Variants in FAM174A observed in about 807,000 individuals in gnomAD.
FAM174A encodes the protein membrane protein FAM174A.
A neutral mutation model predicts 14.3 loss-of-function variants in FAM174A; 14 were observed. That is an observed-to-expected ratio of 0.98 (90% CI 0.65 to 1.53). FAM174A has a LOEUF of 1.53. Ranked by LOEUF, FAM174A falls within the 40% of genes most tolerant of loss-of-function variation. The pLI is 0.00. For synonymous variants in FAM174A, 108 were observed against 111.4 expected (o/e 0.97, Z 0.19); for missense variants, 241 against 249.6 (o/e 0.97, Z 0.23).
At chr5:100,553,682 C>G (rs1225981249) in intron 1 of FAM174A, among the ~76,000 whole-genome samples, 1 of 151,928 alleles carries the variant, frequency 6.6e-6, no homozygotes, top group Non-Finnish European at 1.5e-5. Context: ...GAAATAGGTT[C>G]CTGTTTCTAA....
At chr5:100,540,498 T>G (rs13361748) in intron 1 of FAM174A, among the ~76,000 whole-genome samples, 9,146 of 152,276 alleles carry the variant, frequency 0.06, 338 homozygotes, top group African/African-American at 0.097. Flanking sequence ...CTAGTCAGTG[T>G]ATATCAAATG....
rs370614448 is a variant in FAM174A at position 100,540,840 on chromosome 5, G to A, written c.434+4876G>A. Among the ~76,000 whole-genome samples the A allele has an allele frequency of 1.6e-4, 24 of 152,312 alleles. No homozygotes were observed. In the South Asian group the frequency reaches 4.8e-3, roughly 30 times the overall value. On this transcript the variant is annotated intron_variant, in intron 1 of 2. Coordinates refer to ENST00000312637, the MANE Select transcript of FAM174A (RefSeq NM_198507.3). The stretch of plus-strand genomic sequence containing the variant: ...GGAGATGTACTAGTTTGTTGGGGGC[G>A]TTGAGGCCAGAGCAATGCTTGCTCA...
At chr5:100,539,218 G>A (rs1048599330) in intron 1 of FAM174A, among the ~76,000 whole-genome samples, 1 of 151,984 alleles carries the variant, frequency 6.6e-6, no homozygotes, top group South Asian at 2.1e-4. Context: ...TTATTCAACT[G>A]ACCAGTACTG....
At chr5:100,580,029 C>T (rs10040733) in intron 2 of FAM174A, among the ~76,000 whole-genome samples, 4,040 of 152,212 alleles carry the variant, frequency 0.027, 152 homozygotes, top group African/African-American at 0.088. Flanking sequence ...CAAAAAAATT[C>T]GCTTCAGTGG....
chr5:100,565,248 A>T lies in FAM174A; in HGVS notation c.569+3060A>T, dbSNP rs961433567. Among the ~76,000 whole-genome samples the T allele has an allele frequency of 2.0e-5, 3 of 151,854 alleles. No individual in the cohort carries two copies. The Admixed American group carries it at 2.0e-4, about 10-fold the overall frequency. On this transcript the variant is annotated intron_variant, in intron 2 of 2. Coordinates refer to ENST00000312637, the MANE Select transcript of FAM174A (RefSeq NM_198507.3). Reference sequence around the variant, plus strand: ...ATAGAACACATTAATAGGTTGAAAGAAAAAAAGCCACAAGATCATTTCAGT... The same window carrying T: ...ATAGAACACATTAATAGGTTGAAAGTAAAAAAGCCACAAGATCATTTCAGT...
At chr5:100,553,806 A>T (rs1746310050) in intron 1 of FAM174A, among the ~76,000 whole-genome samples, 1 of 152,166 alleles carries the variant, frequency 6.6e-6, no homozygotes, top group South Asian at 2.1e-4. Context: ...CTATATACAG[A>T]TAGGGAAAAT....
At chr5:100,543,649 G>C (rs1344840785) in intron 1 of FAM174A, among the ~76,000 whole-genome samples, 2 of 151,986 alleles carry the variant, frequency 1.3e-5, no homozygotes, top group Non-Finnish European at 1.5e-5. Context: ...GAGGGGAGTG[G>C]CACAGTCTTA....
chr5:100,562,198 C>A lies in FAM174A; in HGVS notation c.569+10C>A. The stretch of plus-strand genomic sequence containing the variant: ...CCAATCATCCTCGAAGGTAAGTATT[C>A]CAGTAGTTTAATTCCATGAATCAGG... On this transcript the variant is annotated intron_variant, in intron 2 of 2. Transcript: ENST00000312637. 1 of 1,564,556 alleles carries A rather than the reference C, an allele frequency of 6.4e-7. No homozygotes were observed. Among genetic ancestry groups the A allele is most frequent in the East Asian group, 2.5e-5 (1 of 40,348 alleles).
Position 100,535,681 on chromosome 5 carries a change from C to T in FAM174A, c.151C>T (p.Arg51Trp), listed in dbSNP as rs141831319. ...PGLGPPDPRP[R>W]TLPPLPPGPT... ...TCTTGGGCCTCCTGACCCTAGACCA[C>T]GGACATTACCGCCGCTGCCACCGGG... is the stretch of plus-strand genomic sequence containing the variant. Residue 51 changes from arginine (R) to tryptophan (W), a missense_variant, in exon 1 of 3, where the codon CGG becomes TGG. Transcript: ENST00000312637. The T allele has an allele frequency of 1.2e-6, 2 of 1,609,460 alleles. No homozygotes were observed. The highest frequency in any genetic ancestry group is 8.5e-7 in the Non-Finnish European group (1 of 1,178,858).
chr5:100,570,260 G>A (rs1313257820), intron 2 of FAM174A, among the ~76,000 whole-genome samples: 1 of 151,460 alleles, frequency 6.6e-6, no homozygotes, highest in African/African-American at 2.4e-5. Context: ...CATTTTTTTC[G>A]GTAATGAGAT....
chr5:100,556,085 T>G (rs1055442296), intron 1 of FAM174A, among the ~76,000 whole-genome samples: 2 of 152,198 alleles, frequency 1.3e-5, no homozygotes, highest in African/African-American at 4.8e-5. Flanking sequence ...GGTCTAACAT[T>G]TAAGTCCTTA....
At chr5:100,540,938 C>A (rs1253447454) in intron 1 of FAM174A, among the ~76,000 whole-genome samples, 1 of 152,156 alleles carries the variant, frequency 6.6e-6, no homozygotes, top group Non-Finnish European at 1.5e-5. Context: ...ATACTATCCA[C>A]CTTAGACACT....
intron 2 of FAM174A, among the ~76,000 whole-genome samples, chr5:100,573,581 C>A (rs957497988): frequency 4.0e-5 from 6 of 151,588 alleles, no homozygotes; most frequent in Non-Finnish European, 5.9e-5. Context: ...AAAGAGGATA[C>A]AAACAAATGG....
At chr5:100,554,109 C>T (rs1339999833) in intron 1 of FAM174A, among the ~76,000 whole-genome samples, 1 of 151,990 alleles carries the variant, frequency 6.6e-6, no homozygotes, top group African/African-American at 2.4e-5. Context: ...GTTTGGAATC[C>T]ATATGGTTTC....
At chr5:100,574,143 A>G (rs923038094) in intron 2 of FAM174A, among the ~76,000 whole-genome samples, 8 of 152,126 alleles carry the variant, frequency 5.3e-5, no homozygotes, top group African/African-American at 1.9e-4. Flanking sequence ...TCTAAAGGAC[A>G]AAGAAGCATA....
At chr5:100,572,756 G>A (rs1340741492) in intron 2 of FAM174A, among the ~76,000 whole-genome samples, 3 of 151,974 alleles carry the variant, frequency 2.0e-5, no homozygotes, top group African/African-American at 4.8e-5. Context: ...TAGTCCTTTG[G>A]GTATATACCC....
rs181363642 is a variant in FAM174A, at chr5:100,554,696, G to C, written c.435-7358G>C. On this transcript the variant is annotated intron_variant, in intron 1 of 2. Coordinates refer to ENST00000312637, the MANE Select transcript of FAM174A (RefSeq NM_198507.3). ...ATTACTTTCATAAGTCTAAATCAGAGGTTAGCAAAGTATGGCCCACAGGCC... is the reference window on the plus strand; with the variant it reads ...ATTACTTTCATAAGTCTAAATCAGACGTTAGCAAAGTATGGCCCACAGGCC... 3.3e-5 allele frequency among the ~76,000 whole-genome samples: 5 copies of C among 152,168 alleles called. No individual in the cohort carries two copies. The East Asian group carries it at 9.7e-4, about 29-fold the overall frequency.
intron 1 of FAM174A, among the ~76,000 whole-genome samples, chr5:100,547,428 C>T (rs1367606851): frequency 1.3e-5 from 2 of 151,968 alleles, no homozygotes; most frequent in Non-Finnish European, 2.9e-5. Flanking sequence ...ACTGAAGAGC[C>T]CAGTTTGAAA....
chr5:100,548,798 A>G (rs1331491743), intron 1 of FAM174A, among the ~76,000 whole-genome samples: 2 of 152,146 alleles, frequency 1.3e-5, no homozygotes, highest in African/African-American at 4.8e-5. Flanking sequence ...TCATAATCGC[A>G]TGCTTTTACA....
Sources: gnomAD v4.1 joint callset for allele counts (sites outside exome capture counted in the v4.1 genomes callset) on GRCh38, gnomAD v4.1.1 for gene constraint, MANE v1.5 for transcripts, NCBI Gene and HGNC (gene_info 2026-07-23, HGNC 2026-07-21) for gene names.